TTC17: variants seen among roughly 807,000 people sequenced by gnomAD.
The protein encoded by TTC17 is tetratricopeptide repeat protein 17.
In TTC17, 58 loss-of-function variants were observed where a neutral mutation model predicts 143.8. The ratio of observed to expected loss-of-function variants is 0.40; its 90% CI spans 0.33 to 0.50. The LOEUF is 0.50. TTC17 is among the 20% of genes least tolerant of loss of function. The probability of loss-of-function intolerance (pLI) is 0.49; values close to 1 mark genes in which losing one functional copy is unlikely to be tolerated. For missense variants in TTC17, 1,273 were observed against 1,392.5 expected, an observed-to-expected ratio of 0.91 and a Z score of 1.37; for synonymous variants, 501 against 497.8, an observed-to-expected ratio of 1.01 and a Z score of -0.09.
chr11:43,404,396 C>CT (rs1470286281), intron 11 of TTC17, among the ~76,000 whole-genome samples: 14 of 152,186 alleles, frequency 9.2e-5, no homozygotes, highest in Non-Finnish European at 8.8e-5. Flanking sequence ...GCTTTATCCT[C>CT]TGAGTATTAT....
chr11:43,465,064 T>C (rs1380325337), intron 21 of TTC17, among the ~76,000 whole-genome samples: 1 of 152,220 alleles, frequency 6.6e-6, no homozygotes, highest in Non-Finnish European at 1.5e-5. Flanking sequence ...TTGGAAAGTC[T>C]GGAGATTGGT....
At chr11:43,405,442 T>C (rs969570420) in intron 11 of TTC17, 72 bp from the exon 12 acceptor site, 1 of 1,131,264 alleles carries the variant, frequency 8.8e-7, no homozygotes, top group African/African-American at 1.6e-5. Flanking sequence ...AGTATATCAT[T>C]TTAAAAGTTT....
intron 1 of TTC17, among the ~76,000 whole-genome samples, chr11:43,371,304 G>T (rs1590312414): frequency 6.6e-6 from 1 of 152,116 alleles, no homozygotes; most frequent in East Asian, 1.9e-4. Context: ...AGAGCTCAGT[G>T]CCACAAGACT....
At position 43,392,475 on chromosome 11, in the gene TTC17, A is replaced by G. The variant is rs866822623; in HGVS notation, c.663+523A>G. The stretch of plus-strand genomic sequence containing the variant: ...TGGGCATTTAGAAAATGTTTTTGCT[A>G]TTCTTTGTGCCTAAAGAGTATCATA... On this transcript the variant is annotated intron_variant, in intron 5 of 23. Transcript: ENST00000039989. Among the ~76,000 whole-genome samples, 5 of 152,332 alleles carry G rather than the reference A, an allele frequency of 3.3e-5. No individual in the cohort carries two copies. The Middle Eastern group carries it at 0.01, about 311-fold the overall frequency.
At chr11:43,437,702 T>G (rs1246370056) in intron 16 of TTC17, among the ~76,000 whole-genome samples, 1 of 152,134 alleles carries the variant, frequency 6.6e-6, no homozygotes, top group Non-Finnish European at 1.5e-5. Flanking sequence ...GTTCTACAAA[T>G]GTAGATATAA....
chr11:43,485,647 T>G (rs1006391283), intron 21 of TTC17, among the ~76,000 whole-genome samples: 1 of 152,060 alleles, frequency 6.6e-6, no homozygotes, highest in African/African-American at 2.4e-5. Context: ...TTAAAGATAT[T>G]AACAGGCATT....
chr11:43,456,077 G>GA (rs1176916374), intron 21 of TTC17, among the ~76,000 whole-genome samples: 2 of 151,906 alleles, frequency 1.3e-5, no homozygotes, highest in Non-Finnish European at 2.9e-5. Flanking sequence ...TGATAGAGGG[G>GA]AAAAAATCAT....
intron 1 of TTC17, 172 bp downstream of exon 1, chr11:43,359,285 C>A: frequency 1.3e-6 from 1 of 782,914 alleles, no homozygotes; most frequent in Non-Finnish European, 1.9e-6. Context: ...GCACTTCCCG[C>A]TCCCCACTTG....
At chr11:43,359,988 T>C (rs1856033032) in intron 1 of TTC17, among the ~76,000 whole-genome samples, 2 of 152,218 alleles carry the variant, frequency 1.3e-5, no homozygotes, top group African/African-American at 4.8e-5. Context: ...ACTTACTGAC[T>C]TCGAACACTT....
intron 21 of TTC17, among the ~76,000 whole-genome samples, chr11:43,461,391 A>AAG (rs1947864298): frequency 1.3e-5 from 1 of 76,094 alleles, no homozygotes. Flanking sequence ...ACTCCGTCTC[A>AAG]AAAAAAAAAA....
chr11:43,482,818 G>GT (rs1269435682), intron 21 of TTC17, among the ~76,000 whole-genome samples: 53 of 152,108 alleles, frequency 3.5e-4, no homozygotes, highest in Non-Finnish European at 6.3e-4. Flanking sequence ...TTTTAGTCCT[G>GT]TAAGTTTTCG....
chr11:43,481,389 G>A (rs1009837622), intron 21 of TTC17, among the ~76,000 whole-genome samples: 2 of 152,082 alleles, frequency 1.3e-5, no homozygotes, highest in Admixed American at 1.3e-4. Context: ...TTTGGTATCA[G>A]GATAATAATG....
In TTC17 at chr11:43,389,820, A is replaced by G; in HGVS notation, c.418A>G (p.Ser140Gly). ...TYITLESKDI[S>G]PEDYIDTESP... ...CATAACTTTGGAGAGCAAAGACATC[A>G]GGTAAAGAAGTTCTCTTTCCAAAAA... The change falls in exon 3 of 24, where the codon AGT becomes GGT. Residue 140 changes from serine (S) to glycine (G), a missense_variant and splice_region_variant. By Grantham distance (56) the Ser-to-Gly change is moderately conservative. This residue lies in a region of TTC17 where 325 missense variants were observed against 444.2 expected (regional missense o/e 0.73). Coordinates refer to ENST00000039989, the MANE Select transcript of TTC17 (RefSeq NM_018259.6). 6.3e-7 allele frequency: 1 copy of G among 1,579,020 alleles called. No homozygotes were observed. The highest frequency in any genetic ancestry group is 1.7e-4 in the Middle Eastern group (1 of 5,874).
At chr11:43,473,097 C>T (rs140804112) in intron 21 of TTC17, among the ~76,000 whole-genome samples, 1 of 151,702 alleles carries the variant, frequency 6.6e-6, no homozygotes, top group African/African-American at 2.4e-5. Flanking sequence ...ATTGCTTGAA[C>T]CTGGGAAGCA....
intron 21 of TTC17, among the ~76,000 whole-genome samples, chr11:43,462,921 CT>C (rs562594929): frequency 5.4e-4 from 64 of 117,580 alleles, no homozygotes; most frequent in Middle Eastern, 3.9e-3. Flanking sequence ...TGACAAAATT[CT>C]TTTTTTTTTT....
At position 43,399,974 on chromosome 11, in the gene TTC17, A is replaced by C; in HGVS notation, c.1145A>C (p.His382Pro). Reference sequence around the variant, plus strand: ...AGACAGCAGGAAATCCTAGAAAAACATAAACTGATTCAGGAGGAGCAAATC... The same window carrying C: ...AGACAGCAGGAAATCCTAGAAAAACCTAAACTGATTCAGGAGGAGCAAATC... Reference protein sequence around the residue: ...YLRQQEILEKHKLIQEEQILR... With the variant: ...YLRQQEILEKPKLIQEEQILR... Residue 382 changes from histidine (H) to proline (P), a missense_variant, in exon 9 of 24, where the codon CAT (histidine) becomes CCT (proline). This residue lies in a region of TTC17 where 325 missense variants were observed against 444.2 expected (regional missense o/e 0.73). Transcript: ENST00000039989. 1 of 1,614,102 alleles carries C rather than the reference A, an allele frequency of 6.2e-7. No individual in the cohort carries two copies. The highest frequency in any genetic ancestry group is 8.5e-7 in the Non-Finnish European group (1 of 1,179,966).
At chr11:43,372,236 G>C (rs1402510530) in intron 1 of TTC17, among the ~76,000 whole-genome samples, 1 of 150,632 alleles carries the variant, frequency 6.6e-6, no homozygotes, top group African/African-American at 2.4e-5. Flanking sequence ...AAATAGTATA[G>C]TTCCTTTAAC....
chr11:43,370,974 A>G (rs1856545506), intron 1 of TTC17, among the ~76,000 whole-genome samples: 2 of 132,982 alleles, frequency 1.5e-5, no homozygotes, highest in South Asian at 5.3e-4. Flanking sequence ...ACTTCTAAAA[A>G]CTGTTTTTGT....
Position 43,446,019 on chromosome 11 carries a change from C to T in TTC17, c.2665+1810C>T. On this transcript the variant is annotated intron_variant, in intron 18 of 23. Transcript: ENST00000039989. ...ATTTAACAGAGCCTCTTATGATATC[C>T]TTGTGAACCAGATGGAGAGATGTGG... 7.2e-6 allele frequency: 11 copies of T among 1,533,248 alleles called. No homozygotes were observed. The South Asian group carries it at 9.5e-5, about 13-fold the overall frequency. 95.0% of individuals were successfully genotyped at this position (1,533,248 alleles called of 1,614,324 possible). A position where few individuals can be genotyped will look rare whatever the true frequency, so the allele number is the denominator to read the frequency against.
Sources: allele counts gnomAD v4.1 joint callset (sites outside exome capture counted in the v4.1 genomes callset), GRCh38; gene constraint gnomAD v4.1.1; regional missense constraint gnomAD v4.1.1; transcripts MANE v1.5; gene names NCBI Gene and HGNC (gene_info 2026-07-23, HGNC 2026-07-21).